The following SMAD2 variants were observed in gnomAD, a reference collection of about 807,000 sequenced individuals.
SMAD2 encodes MAD homolog 2.
SMAD2 carries 8 observed loss-of-function variants against 64.4 expected under a neutral mutation model. That is an observed-to-expected ratio of 0.12 (90% CI 0.07 to 0.22). The LOEUF is 0.22. Ranked by LOEUF, SMAD2 falls within the 10% of genes least tolerant of loss-of-function variation. The pLI, the probability that SMAD2 is intolerant of heterozygous loss-of-function variation, is 1.00. For missense variants in SMAD2, 289 were observed against 561.2 expected (o/e 0.51, Z 4.90); for synonymous variants, 203 against 195.8 (o/e 1.04, Z -0.31).
chr18:47,904,828 A>G (rs2033839261), intron 1 of SMAD2, among the ~76,000 whole-genome samples: 1 of 152,222 alleles, frequency 6.6e-6, no homozygotes, highest in South Asian at 2.1e-4. Flanking sequence ...TTCAACACTC[A>G]TCTATAATTT....
At position 47,851,884 on chromosome 18, in the gene SMAD2, C is replaced by G. The variant is rs370573003; in HGVS notation, c.731-557G>C. Among the ~76,000 whole-genome samples, 27 of 152,272 alleles carry G rather than the reference C, an allele frequency of 1.8e-4. No individual in the cohort carries two copies. In the East Asian group the frequency reaches 4.6e-3, roughly 26 times the overall value. On this transcript the variant is annotated intron_variant, in intron 6 of 10. Transcript: ENST00000262160. ...CCGTTTTGCACGCTTCCAATCACAT[C>G]TGAAAGATACATTCTTCAAGAAACT...
chr18:47,824,325 A>G lies in SMAD2; in HGVS notation c.*17502T>C, dbSNP rs868056313. 24 of 152,194 alleles carry G rather than the reference A, an allele frequency of 1.6e-4. No individual in the cohort carries two copies. Among genetic ancestry groups the G allele is most frequent in the African/African-American group, 5.6e-4 (23 of 41,430 alleles). The allele number at this position is 152,194 out of a possible 1,614,324, so 9.4% of individuals were successfully genotyped here. On this transcript the variant is annotated 3_prime_UTR_variant, in exon 11 of 11. Transcript: ENST00000262160. ...AGAAACCACGCCAGCTTGCACAAAC[A>G]CTATTCGCAACCTTACACAGAAAAT...
Position 47,893,841 on chromosome 18 carries a change from T to C in SMAD2, c.236+2680A>G, listed in dbSNP as rs563301570. 6.6e-5 allele frequency among the ~76,000 whole-genome samples: 10 copies of C among 152,318 alleles called. No homozygotes were observed. The East Asian group carries it at 9.6e-4, about 15-fold the overall frequency. ...CATGATCAATAATAACAAATCTCCA[T>C]TTTTGCAACATCTAAAAAAACCACC... On this transcript the variant is annotated intron_variant, in intron 2 of 10. Coordinates refer to ENST00000262160, the MANE Select transcript of SMAD2 (RefSeq NM_005901.6).
intron 3 of SMAD2, 56 bp from the exon 4 acceptor site, chr18:47,869,492 AGTGCAGTC>A: frequency 1.1e-6 from 1 of 942,058 alleles, no homozygotes. Context: ...AAAAAAAAAA[AGTGCAGTC>A]AAATGGGCTA....
chr18:47,839,243 T>C lies in SMAD2; in HGVS notation c.*2584A>G, dbSNP rs1202804138. 4.3e-6 allele frequency: 1 copy of C among 233,246 alleles called. No homozygotes were observed. The highest frequency in any genetic ancestry group is 2.2e-5 in the African/African-American group (1 of 45,336). The allele number at this position is 233,246 out of a possible 1,614,324, so 14.4% of individuals were successfully genotyped here. ...GATGCGCTCCACTACTGAAACAGCA[T>C]AGTAGGCACTGCTTGACCTAACACA... is the stretch of plus-strand genomic sequence containing the variant. On this transcript the variant is annotated 3_prime_UTR_variant, in exon 11 of 11. Transcript: ENST00000262160.
At chr18:47,861,338 A>G (rs1258028688) in intron 6 of SMAD2, among the ~76,000 whole-genome samples, 2 of 152,080 alleles carry the variant, frequency 1.3e-5, no homozygotes, top group East Asian at 1.9e-4. Context: ...AAACAATCAA[A>G]CAAAAAAAAA....
At chr18:47,912,472 T>A (rs2034174956) in intron 1 of SMAD2, 1 of 152,218 alleles carries the variant, frequency 6.6e-6, no homozygotes, top group African/African-American at 2.4e-5. Context: ...TATACATGCC[T>A]TTATGTAAGT....
intron 2 of SMAD2, among the ~76,000 whole-genome samples, chr18:47,893,871 T>C (rs1222663136): frequency 1.3e-5 from 2 of 152,208 alleles, no homozygotes; most frequent in Non-Finnish European, 2.9e-5. Flanking sequence ...ACCACCAAAT[T>C]AGGCAAATTT....
chr18:47,918,758 A>G (rs997760394), intron 1 of SMAD2, among the ~76,000 whole-genome samples: 4 of 134,582 alleles, frequency 3.0e-5, no homozygotes, highest in African/African-American at 5.4e-5. Context: ...GAAACGGGGG[A>G]AAAAAATCAA....
intron 2 of SMAD2, among the ~76,000 whole-genome samples, chr18:47,888,901 A>G (rs562391395): frequency 1.3e-5 from 2 of 152,344 alleles, no homozygotes; most frequent in South Asian, 4.1e-4. Context: ...AAGACTTTAA[A>G]GTAACTATTA....
At chr18:47,865,218 C>A in intron 5 of SMAD2, 85 bp from the exon 6 acceptor site, 1 of 748,746 alleles carries the variant, frequency 1.3e-6, no homozygotes, top group East Asian at 2.6e-5. Flanking sequence ...ACCAATGAAT[C>A]ACTCCAAATA....
chr18:47,906,726 G>C (rs1228100773), intron 1 of SMAD2, among the ~76,000 whole-genome samples: 1 of 152,148 alleles, frequency 6.6e-6, no homozygotes, highest in Admixed American at 6.5e-5. Flanking sequence ...GTTCGTCCTT[G>C]CCTTTTTCAG....
rs1912276089 is a variant in SMAD2 at position 47,813,650 on chromosome 18, C to T, written c.*28177G>A. The T allele has an allele frequency of 6.6e-6, 1 of 151,616 alleles. No homozygotes were observed. Among genetic ancestry groups the T allele is most frequent in the Non-Finnish European group, 1.5e-5 (1 of 68,114 alleles). The allele number at this position is 151,616 out of a possible 1,614,324, so 9.4% of individuals were successfully genotyped here. ...CTCAAACTCGTGACCTCATGATCCA[C>T]CTGCCTCGGCCTCCCAAAGTGCTGG... On this transcript the variant is annotated 3_prime_UTR_variant, in exon 11 of 11. Coordinates refer to ENST00000262160, the MANE Select transcript of SMAD2 (RefSeq NM_005901.6).
At chr18:47,867,908 T>TA (rs2031683651) in intron 5 of SMAD2, among the ~76,000 whole-genome samples, 2 of 152,222 alleles carry the variant, frequency 1.3e-5, no homozygotes, top group Non-Finnish European at 2.9e-5. Context: ...TATATTTCTG[T>TA]TAAATATTAC....
At chr18:47,900,912 T>C (rs2033656599) in intron 1 of SMAD2, among the ~76,000 whole-genome samples, 1 of 152,218 alleles carries the variant, frequency 6.6e-6, no homozygotes, top group South Asian at 2.1e-4. Context: ...TTTTATTTAC[T>C]ATAATACAAA....
intron 1 of SMAD2, among the ~76,000 whole-genome samples, chr18:47,903,344 C>T (rs888405370): frequency 1.7e-4 from 26 of 149,616 alleles, no homozygotes; most frequent in Admixed American, 1.4e-3. Context: ...GGCACAAAAG[C>T]TTGGAGGCAG....
In SMAD2 at chr18:47,834,756, C is replaced by G. The variant is rs1027276552; in HGVS notation, c.*7071G>C. On this transcript the variant is annotated 3_prime_UTR_variant, in exon 11 of 11. Coordinates refer to ENST00000262160, the MANE Select transcript of SMAD2 (RefSeq NM_005901.6). ...TCAGACAAATCTTCTAAAGGTTCTT[C>G]TAGCTTTGTCCAGTTATATGGTATT... is the stretch of plus-strand genomic sequence containing the variant. The G allele has an allele frequency of 3.2e-4, 71 of 221,532 alleles. No homozygotes were observed. Among genetic ancestry groups the G allele is most frequent in the African/African-American group, 1.5e-3 (66 of 44,800 alleles). The allele number at this position is 221,532 out of a possible 1,614,324, so 13.7% of individuals were successfully genotyped here. A position where few individuals can be genotyped will look rare whatever the true frequency, so the allele number is the denominator to read the frequency against.
rs570711360 is a variant in SMAD2 at position 47,843,016 on chromosome 18, A to C, written c.1281-1066T>G. On this transcript the variant is annotated intron_variant, in intron 10 of 10. Transcript: ENST00000262160. ...CTTCATCTCCAAGCAACACATGTTCAATGTAATTTAAAACTGTACTTCCAA... is the reference window on the plus strand; with the variant it reads ...CTTCATCTCCAAGCAACACATGTTCCATGTAATTTAAAACTGTACTTCCAA... Among the ~76,000 whole-genome samples, 5 of 152,328 alleles carry C rather than the reference A, an allele frequency of 3.3e-5. No homozygotes were observed. In the South Asian group the frequency reaches 1.0e-3, roughly 32 times the overall value.
At chr18:47,907,212 A>C (rs534539091) in intron 1 of SMAD2, among the ~76,000 whole-genome samples, 14 of 152,352 alleles carry the variant, frequency 9.2e-5, no homozygotes, top group African/African-American at 2.9e-4. Context: ...TGTCCACAAA[A>C]AGAAACCTGT....
Sources: gnomAD v4.1 joint callset for allele counts (sites outside exome capture counted in the v4.1 genomes callset) on GRCh38, gnomAD v4.1.1 for gene constraint, MANE v1.5 for transcripts, NCBI Gene and HGNC (gene_info 2026-07-23, HGNC 2026-07-21) for gene names.